Variants in OR1J2 observed in about 807,000 individuals in gnomAD.
The protein encoded by OR1J2 is olfactory receptor 1J2.
For missense variants in OR1J2, 304 were observed against 246.1 expected (o/e 1.24, Z -1.57); for synonymous variants, 142 against 99.7 (o/e 1.42, Z -2.52).
chr9:122,571,482 G>C, the OR1J2 span, among the ~76,000 whole-genome samples: 1 of 151,388 alleles, frequency 6.6e-6, no homozygotes. Flanking sequence ...CCCAGGAGAC[G>C]GAGGTTGCAG....
chr9:122,452,544 G>A, the OR1J2 span, among the ~76,000 whole-genome samples: 21 of 152,242 alleles, frequency 1.4e-4, no homozygotes, highest in Non-Finnish European at 2.6e-4. Flanking sequence ...ATTCTTGTCC[G>A]GAGTTATTGA....
chr9:122,457,142 TCTTA>T, the OR1J2 span, among the ~76,000 whole-genome samples: 2 of 152,170 alleles, frequency 1.3e-5, no homozygotes, highest in Non-Finnish European at 2.9e-5. Flanking sequence ...TACCGCATGT[TCTTA>T]CTTATAAGTG....
At chr9:122,519,527 C>A in the OR1J2 span, 1 of 1,614,188 alleles carries the variant, frequency 6.2e-7, no homozygotes, top group Non-Finnish European at 8.5e-7. Flanking sequence ...TCTGTCACCC[C>A]CTCCGCTACA....
the OR1J2 span, among the ~76,000 whole-genome samples, chr9:122,496,239 G>A: frequency 4.8e-3 from 725 of 152,168 alleles, 2 homozygotes; most frequent in African/African-American, 0.017. Flanking sequence ...CTTGCCCTAG[G>A]GACACCTAGT....
chr9:122,518,706 A>G, the OR1J2 span, among the ~76,000 whole-genome samples: 1 of 152,184 alleles, frequency 6.6e-6, no homozygotes, highest in Non-Finnish European at 1.5e-5. Context: ...GATATGTGTT[A>G]TGGAAACTTC....
chr9:122,486,176 C>T, the OR1J2 span, among the ~76,000 whole-genome samples: 27 of 152,080 alleles, frequency 1.8e-4, no homozygotes, highest in African/African-American at 6.5e-4. Flanking sequence ...GCCAGGCTGG[C>T]CTTGAACTCC....
the OR1J2 span, among the ~76,000 whole-genome samples, chr9:122,465,870 CT>C: frequency 6.6e-6 from 1 of 152,144 alleles, no homozygotes; most frequent in Non-Finnish European, 1.5e-5. Flanking sequence ...CCCACTACCC[CT>C]GAACCTGGTC....
chr9:122,487,714 C>T, the OR1J2 span, among the ~76,000 whole-genome samples: 1 of 152,180 alleles, frequency 6.6e-6, no homozygotes, highest in Non-Finnish European at 1.5e-5. Flanking sequence ...CTTTACCTGC[C>T]TGGATGGGAA....
chr9:122,555,736 C>A, the OR1J2 span, among the ~76,000 whole-genome samples: 1 of 152,152 alleles, frequency 6.6e-6, no homozygotes, highest in Non-Finnish European at 1.5e-5. Flanking sequence ...AGACTTTACT[C>A]TTTTAGAGCT....
At chr9:122,468,997 T>C in the OR1J2 span, among the ~76,000 whole-genome samples, 1 of 152,214 alleles carries the variant, frequency 6.6e-6, no homozygotes, top group South Asian at 2.1e-4. Context: ...TTGTCCTGGT[T>C]TACAGATGGC....
the OR1J2 span, among the ~76,000 whole-genome samples, chr9:122,576,382 C>T: frequency 1.4e-4 from 20 of 141,358 alleles, no homozygotes; most frequent in Non-Finnish European, 2.7e-4. Context: ...CCACCACGCC[C>T]AGCTAATTTT....
At chr9:122,530,087 G>A in the OR1J2 span, among the ~76,000 whole-genome samples, 2 of 152,178 alleles carry the variant, frequency 1.3e-5, no homozygotes. Flanking sequence ...TATATTTAAG[G>A]GGGTTAAGGG....
the OR1J2 span, among the ~76,000 whole-genome samples, chr9:122,488,783 G>A: frequency 6.6e-6 from 1 of 152,122 alleles, no homozygotes; most frequent in Middle Eastern, 3.2e-3. Context: ...TACTCATTCA[G>A]AAGAATATTG....
chr9:122,567,477 C>T, the OR1J2 span: 10 of 1,180,404 alleles, frequency 8.5e-6, no homozygotes, highest in African/African-American at 3.1e-5. Context: ...TTTGACTGTT[C>T]ACCAGAAACC....
At chr9:122,468,365 T>C in the OR1J2 span, among the ~76,000 whole-genome samples, 2 of 152,204 alleles carry the variant, frequency 1.3e-5, no homozygotes, top group Admixed American at 6.5e-5. Context: ...TGGCTACTTT[T>C]GAAACTGAAT....
the OR1J2 span, among the ~76,000 whole-genome samples, chr9:122,533,644 A>G: frequency 2.0e-5 from 3 of 152,176 alleles, no homozygotes; most frequent in Admixed American, 1.3e-4. Context: ...ATAATTAAAA[A>G]AGAGTGCATA....
chr9:122,560,892 A>G, the OR1J2 span, among the ~76,000 whole-genome samples: 2 of 152,014 alleles, frequency 1.3e-5, no homozygotes, highest in Non-Finnish European at 2.9e-5. Context: ...AGGTTGGGGA[A>G]TTCTCCTAGA....
At chr9:122,473,552 A>C in the OR1J2 span, among the ~76,000 whole-genome samples, 1 of 152,162 alleles carries the variant, frequency 6.6e-6, no homozygotes, top group African/African-American at 2.4e-5. Context: ...TTCCTATTGG[A>C]TATATTTACT....
At chr9:122,544,421 T>A in the OR1J2 span, among the ~76,000 whole-genome samples, 1 of 139,068 alleles carries the variant, frequency 7.2e-6, no homozygotes, top group African/African-American at 2.9e-5. Flanking sequence ...TTTTCTTTTT[T>A]TTTTTTTTTT....
Sources: gnomAD v4.1 joint callset for allele counts (sites outside exome capture counted in the v4.1 genomes callset) on GRCh38, gnomAD v4.1.1 for gene constraint, MANE v1.5 for transcripts, NCBI Gene and HGNC (gene_info 2026-07-23, HGNC 2026-07-21) for gene names.